The following CRADD variants were observed in gnomAD, a reference collection of about 807,000 sequenced individuals.
CRADD encodes the protein death domain-containing protein CRADD.
Under a neutral mutation model 15.5 loss-of-function variants are expected in CRADD, and 9 were observed. The observed-to-expected ratio is 0.58, with a 90% CI of 0.35 to 1.01. CRADD has a LOEUF of 1.01. CRADD is among the 50% of genes least tolerant of loss of function. The pLI, the probability that CRADD is intolerant of heterozygous loss-of-function variation, is 0.02. For missense variants in CRADD, 227 were observed against 250.3 expected (o/e 0.91, Z 0.63); for synonymous variants, 118 against 107.6 (o/e 1.10, Z -0.60).
chr12:93,805,575 T>C (rs200197057), intron 2 of CRADD, among the ~76,000 whole-genome samples: 1 of 150,080 alleles, frequency 6.7e-6, no homozygotes, highest in Non-Finnish European at 1.5e-5. Context: ...GTTTTGTGTG[T>C]ATAAATAAAT....
chr12:93,854,729 T>G (rs114931815), downstream of CRADD, among the ~76,000 whole-genome samples: 4,735 of 152,174 alleles, frequency 0.031, 250 homozygotes, highest in African/African-American at 0.11. Flanking sequence ...TTTGCCCAGC[T>G]CCTTCCACCT....
chr12:93,816,229 T>C (rs1014576514), intron 2 of CRADD: 3 of 152,176 alleles, frequency 2.0e-5, no homozygotes, highest in Non-Finnish European at 4.4e-5. Flanking sequence ...TATTTACTTA[T>C]TTTTTGAGAT....
At chr12:93,740,546 A>G (rs1956649737) in intron 2 of CRADD, among the ~76,000 whole-genome samples, 1 of 152,136 alleles carries the variant, frequency 6.6e-6, no homozygotes. Flanking sequence ...TTTTGTCATC[A>G]TTTTTATTTG....
chr12:93,762,865 A>T (rs1444684236), intron 2 of CRADD, among the ~76,000 whole-genome samples: 2 of 152,204 alleles, frequency 1.3e-5, no homozygotes, highest in Admixed American at 6.5e-5. Flanking sequence ...TAAAACAAAA[A>T]CAAGTCAACT....
chr12:93,703,515 C>T (rs920369303), intron 2 of CRADD, among the ~76,000 whole-genome samples: 10 of 151,940 alleles, frequency 6.6e-5, no homozygotes, highest in African/African-American at 2.2e-4. Flanking sequence ...CGCATGCCAC[C>T]ACACCTGGCT....
intron 2 of CRADD, among the ~76,000 whole-genome samples, chr12:93,763,648 T>C (rs532338550): frequency 1.7e-4 from 26 of 152,230 alleles, no homozygotes; most frequent in Non-Finnish European, 4.4e-5. Context: ...TAAAGAGTAT[T>C]ACCTACTTTT....
intron 2 of CRADD, among the ~76,000 whole-genome samples, chr12:93,740,406 A>G (rs1956647775): frequency 6.6e-6 from 1 of 152,196 alleles, no homozygotes; most frequent in African/African-American, 2.4e-5. Flanking sequence ...TCTAAGGGTT[A>G]TAAGCCATCT....
intron 2 of CRADD, among the ~76,000 whole-genome samples, chr12:93,695,357 A>G (rs570885904): frequency 6.6e-6 from 1 of 152,368 alleles, no homozygotes; most frequent in Non-Finnish European, 1.5e-5. Flanking sequence ...TGAAACTACT[A>G]GAAGAAAACC....
At chr12:93,719,312 G>A (rs1471363652) in intron 2 of CRADD, among the ~76,000 whole-genome samples, 3 of 152,120 alleles carry the variant, frequency 2.0e-5, no homozygotes, top group Non-Finnish European at 2.9e-5. Context: ...CTTGGTCATG[G>A]TGTATAATTC....
At chr12:93,887,956 A>G (rs905687625) in intron 2 of CRADD, among the ~76,000 whole-genome samples, 1 of 152,188 alleles carries the variant, frequency 6.6e-6, no homozygotes, top group Non-Finnish European at 1.5e-5. Flanking sequence ...TCAGTCTTGG[A>G]AAGTCAGCAA....
At chr12:93,884,110 C>T (rs1958520386) in intron 2 of CRADD, among the ~76,000 whole-genome samples, 1 of 152,166 alleles carries the variant, frequency 6.6e-6, no homozygotes, top group South Asian at 2.1e-4. Context: ...GTATGAATAC[C>T]AGGAGCAGAG....
At chr12:93,798,028 A>G (rs76527199) in intron 2 of CRADD, among the ~76,000 whole-genome samples, 2,597 of 152,274 alleles carry the variant, frequency 0.017, 69 homozygotes, top group African/African-American at 0.058. Context: ...ATTGGAAACA[A>G]TCTCTTTCCA....
At chr12:93,807,837 C>G (rs56180199) in intron 2 of CRADD, among the ~76,000 whole-genome samples, 8 of 151,996 alleles carry the variant, frequency 5.3e-5, no homozygotes, top group African/African-American at 1.7e-4. Flanking sequence ...CTGCTATGTG[C>G]TAGGCACTGT....
chr12:93,882,426 A>AC (rs1958509176), intron 2 of CRADD, among the ~76,000 whole-genome samples: 1 of 150,356 alleles, frequency 6.7e-6, no homozygotes, highest in African/African-American at 2.4e-5. Context: ...GTCTCAAAAA[A>AC]AAAAAAAAAA....
intron 2 of CRADD, among the ~76,000 whole-genome samples, chr12:93,818,747 G>GCCCCTAAA (rs1290665569): frequency 6.6e-5 from 10 of 152,184 alleles, no homozygotes; most frequent in African/African-American, 9.6e-5. Context: ...CAGCCCCTAA[G>GCCCCTAAA]GAACAGGACA....
chr12:93,713,042 G>T (rs1364158955), intron 2 of CRADD, among the ~76,000 whole-genome samples: 1 of 152,012 alleles, frequency 6.6e-6, no homozygotes, highest in Non-Finnish European at 1.5e-5. Context: ...TCTTTTTTGT[G>T]TGTGTCTTTA....
chr12:93,773,286 G>A (rs2136962750), intron 2 of CRADD, among the ~76,000 whole-genome samples: 1 of 152,244 alleles, frequency 6.6e-6, no homozygotes, highest in Admixed American at 6.5e-5. Flanking sequence ...ACATGTTGTG[G>A]GAGGGACCCA....
chr12:93,700,183 C>G (rs1012811325), intron 2 of CRADD, among the ~76,000 whole-genome samples: 1 of 152,202 alleles, frequency 6.6e-6, no homozygotes, highest in Non-Finnish European at 1.5e-5. Context: ...AATCTAGGTC[C>G]TGCTCCTGCC....
intron 2 of CRADD, among the ~76,000 whole-genome samples, chr12:93,693,548 A>T (rs1349118910): frequency 6.6e-6 from 1 of 152,092 alleles, no homozygotes; most frequent in African/African-American, 2.4e-5. Flanking sequence ...AAGGTATAAT[A>T]GCCATAAATA....
Sources: allele counts gnomAD v4.1 joint callset (sites outside exome capture counted in the v4.1 genomes callset), GRCh38; gene constraint gnomAD v4.1.1; transcripts MANE v1.5; gene names NCBI Gene and HGNC (gene_info 2026-07-23, HGNC 2026-07-21).